EDA: variants seen among roughly 807,000 people sequenced by gnomAD.
EDA encodes ectodysplasin A.
A neutral mutation model predicts 23.6 loss-of-function variants in EDA; 2 were observed. The observed-to-expected ratio is 0.08, with a 90% confidence interval of 0.03 to 0.27. EDA has a LOEUF of 0.27. EDA is among the 10% of genes least tolerant of loss of function. The pLI, the probability that EDA is intolerant of heterozygous loss-of-function variation, is 1.00. For synonymous variants in EDA, 131 were observed against 132.0 expected (o/e 0.99, Z 0.05); for missense variants, 229 against 324.2 (o/e 0.71, Z 2.26).
intron 1 of EDA, among the ~76,000 whole-genome samples, chrX:69,842,846 C>T (rs1295720965): frequency 9.0e-6 from 1 of 111,382 alleles, no homozygotes; most frequent in African/African-American, 3.3e-5. Context: ...CTTGCCCCTG[C>T]TCTGGCCACG....
At chrX:69,660,850 T>C (rs1354780517) in intron 1 of EDA, among the ~76,000 whole-genome samples, 1 of 111,751 alleles carries the variant, frequency 8.9e-6, no homozygotes, top group Admixed American at 9.5e-5. Flanking sequence ...CCTTTGGGTA[T>C]ATACCTATCC....
chrX:70,020,415 C>T (rs1057352296), intron 2 of EDA, among the ~76,000 whole-genome samples: 3 of 110,719 alleles, frequency 2.7e-5, no homozygotes, highest in East Asian at 5.7e-4. Flanking sequence ...AAAAATTAGC[C>T]GGGCGTGGTG....
At chrX:69,658,319 C>T (rs1933382004) in intron 1 of EDA, among the ~76,000 whole-genome samples, 1 of 108,173 alleles carries the variant, frequency 9.2e-6, no homozygotes, top group Non-Finnish European at 1.9e-5. Context: ...GGAAATGCTA[C>T]TGATCTTTGT....
chrX:69,938,237 G>A (rs936686056), intron 1 of EDA, among the ~76,000 whole-genome samples: 5 of 111,037 alleles, frequency 4.5e-5, no homozygotes, highest in African/African-American at 1.6e-4. Flanking sequence ...CCACACCGTG[G>A]TGCGCTGTCA....
At chrX:69,659,743 A>G in intron 1 of EDA, among the ~76,000 whole-genome samples, 1 of 111,632 alleles carries the variant, frequency 9.0e-6, no homozygotes, top group African/African-American at 3.3e-5. Context: ...TTGTAATACA[A>G]AAATTCTTGT....
chrX:69,825,498 A>C lies in EDA; in HGVS notation c.397-131529A>C, dbSNP rs745819054. On this transcript the variant is annotated intron_variant, in intron 1 of 7. Transcript: ENST00000374552. ...AGTTTATTTGCATAGAGGTGTTTGT[A>C]GTATTCTCTGATGGTAGTTTGTATT... Among the ~76,000 whole-genome samples, 7 of 111,551 alleles carry C rather than the reference A, an allele frequency of 6.3e-5. No homozygotes were observed. In the South Asian group the frequency reaches 1.1e-3, roughly 18 times the overall value.
At chrX:69,662,561 G>T (rs188242976) in intron 1 of EDA, among the ~76,000 whole-genome samples, 6 of 112,057 alleles carry the variant, frequency 5.4e-5, no homozygotes, top group Non-Finnish European at 1.1e-4. Flanking sequence ...TATTAGCAGC[G>T]TGAAAACAGA....
chrX:69,877,386 A>T (rs1283077932), intron 1 of EDA, among the ~76,000 whole-genome samples: 1 of 112,391 alleles, frequency 8.9e-6, no homozygotes, highest in Non-Finnish European at 1.9e-5. Context: ...GTTCATTTTT[A>T]AAATTATTAT....
At chrX:69,700,577 C>T (rs763025308) in intron 1 of EDA, among the ~76,000 whole-genome samples, 40 of 110,485 alleles carry the variant, frequency 3.6e-4, no homozygotes, top group Non-Finnish European at 6.2e-4. Flanking sequence ...GTCTGTTGGG[C>T]GGAGTAGGTG....
chrX:69,987,764 A>T (rs1266624877), intron 2 of EDA, among the ~76,000 whole-genome samples: 1 of 111,604 alleles, frequency 9.0e-6, no homozygotes, highest in Non-Finnish European at 1.9e-5. Flanking sequence ...TTAAGATTCT[A>T]TTCCATTTCT....
At chrX:69,616,828 G>A in intron 1 of EDA, 124 bp downstream of exon 1, 2 of 959,905 alleles carry the variant, frequency 2.1e-6, no homozygotes, top group Non-Finnish European at 2.9e-6. Context: ...GACCAGGGAG[G>A]GACCAGGCGA....
intron 1 of EDA, among the ~76,000 whole-genome samples, chrX:69,659,480 A>G (rs1255901182): frequency 7.1e-5 from 8 of 111,921 alleles, no homozygotes; most frequent in African/African-American, 2.6e-4. Flanking sequence ...TATAATCAAC[A>G]ATGTGACATG....
intron 1 of EDA, among the ~76,000 whole-genome samples, chrX:69,641,112 T>C (rs1932834482): frequency 9.0e-6 from 1 of 111,438 alleles, no homozygotes; most frequent in African/African-American, 3.3e-5. Flanking sequence ...TGGGCTCATG[T>C]AATGTTTTCG....
rs147235972 is a variant in EDA at position 69,952,989 on chromosome X, G to A, written c.397-4038G>A. Reference sequence around the variant, plus strand: ...TTCAAAATATCTTTTCCTAGAAATAGCATTGTGCTGAATAGCCTACCCTTG... The same window carrying A: ...TTCAAAATATCTTTTCCTAGAAATAACATTGTGCTGAATAGCCTACCCTTG... On this transcript the variant is annotated intron_variant, in intron 1 of 7. Coordinates refer to ENST00000374552, the MANE Select transcript of EDA (RefSeq NM_001399.5). 7.9e-3 allele frequency among the ~76,000 whole-genome samples: 881 copies of A among 111,542 alleles called. 11 individuals carry two copies. The highest frequency in any genetic ancestry group is 0.027 in the African/African-American group (841 of 30,715).
At chrX:69,653,803 G>A (rs1369628127) in intron 1 of EDA, among the ~76,000 whole-genome samples, 2 of 111,700 alleles carry the variant, frequency 1.8e-5, no homozygotes, top group Non-Finnish European at 3.8e-5. Context: ...ATTAATTCAA[G>A]ATGGATTAAA....
chrX:69,967,444 G>C (rs1367806105), intron 2 of EDA, among the ~76,000 whole-genome samples: 3 of 111,642 alleles, frequency 2.7e-5, no homozygotes, highest in Admixed American at 9.6e-5. Flanking sequence ...GTTTTGGACA[G>C]GTTGAGTTTC....
At chrX:69,634,261 A>G (rs990060551) in intron 1 of EDA, among the ~76,000 whole-genome samples, 2 of 111,847 alleles carry the variant, frequency 1.8e-5, no homozygotes, top group Admixed American at 1.9e-4. Context: ...CTAAACCCTT[A>G]TTAGAGATAA....
chrX:69,914,958 C>G (rs1267900249), intron 1 of EDA, among the ~76,000 whole-genome samples: 1 of 111,895 alleles, frequency 8.9e-6, no homozygotes, highest in Non-Finnish European at 1.9e-5. Context: ...AGGAAAGTGT[C>G]TCTTGATTTC....
intron 2 of EDA, among the ~76,000 whole-genome samples, chrX:70,002,162 A>G (rs184072965): frequency 4.6e-4 from 52 of 111,985 alleles, no homozygotes; most frequent in Admixed American, 4.4e-3. Context: ...CACGGGCTGT[A>G]TCATTCTCCA....
Sources: gnomAD v4.1 joint callset for allele counts (sites outside exome capture counted in the v4.1 genomes callset) on GRCh38, gnomAD v4.1.1 for gene constraint, MANE v1.5 for transcripts, NCBI Gene and HGNC (gene_info 2026-07-23, HGNC 2026-07-21) for gene names.